ATP6V0A4: variants seen among roughly 807,000 people sequenced by gnomAD.
ATP6V0A4 encodes V-type proton ATPase 116 kDa subunit a 4.
ATP6V0A4 carries 86 observed loss-of-function variants against 107.3 expected under a neutral mutation model. That is an observed-to-expected ratio of 0.80 (90% CI 0.67 to 0.96). The LOEUF (loss-of-function observed/expected upper bound fraction) is 0.96, where lower values mean the gene tolerates loss of function less well. Ranked by LOEUF, ATP6V0A4 falls within the 40% of genes least tolerant of loss-of-function variation. ATP6V0A4 has a pLI of 0.00. For missense variants in ATP6V0A4, 908 were observed against 1,045.6 expected (o/e 0.87, Z 1.81); for synonymous variants, 353 against 381.4 (o/e 0.93, Z 0.87).
chr7:138,742,852 T>C (rs1377285783), intron 14 of ATP6V0A4, among the ~76,000 whole-genome samples: 1 of 143,446 alleles, frequency 7.0e-6, no homozygotes, highest in Non-Finnish European at 1.5e-5. Context: ...TTTAAATTTA[T>C]GAAAGTTTTG....
chr7:138,728,128 A>G (rs1804809921), intron 18 of ATP6V0A4, among the ~76,000 whole-genome samples: 2 of 149,800 alleles, frequency 1.3e-5, no homozygotes, highest in Admixed American at 6.9e-5. Context: ...TTTATAACTA[A>G]TAAAACAACC....
At chr7:138,789,388 C>T (rs1392860612) in intron 1 of ATP6V0A4, among the ~76,000 whole-genome samples, 1 of 151,936 alleles carries the variant, frequency 6.6e-6, no homozygotes, top group Non-Finnish European at 1.5e-5. Context: ...GCTGGGATTA[C>T]AGGTGCCCAC....
intron 5 of ATP6V0A4, among the ~76,000 whole-genome samples, chr7:138,764,127 A>C (rs1045975819): frequency 6.6e-6 from 1 of 151,766 alleles, no homozygotes. Context: ...ATGTAAAGCT[A>C]TACCATATGT....
intron 1 of ATP6V0A4, among the ~76,000 whole-genome samples, chr7:138,794,845 A>C (rs1162393451): frequency 6.6e-6 from 1 of 152,044 alleles, no homozygotes; most frequent in Non-Finnish European, 1.5e-5. Context: ...CCACACACAC[A>C]CAGCCCTTTC....
At chr7:138,784,239 T>TATATATATATAC (rs1454858193) in intron 2 of ATP6V0A4, among the ~76,000 whole-genome samples, 14 of 9,616 alleles carry the variant, frequency 1.5e-3, no homozygotes, top group South Asian at 8.1e-3. Flanking sequence ...TATATACGTA[T>TATATATATATAC]ATATATATAT....
Position 138,734,196 on chromosome 7 carries a change from G to T in ATP6V0A4, c.1631C>A (p.Ser544Ter). Residue 544 changes from serine to a stop codon, truncating the protein, a stop_gained, in exon 16 of 22, where the codon TCG becomes TAG. Coordinates refer to ENST00000310018, the MANE Select transcript of ATP6V0A4 (RefSeq NM_020632.3). LOFTEE classifies it high-confidence loss of function. Reference protein sequence around the residue: ...TFLNSYKMKMSVILGIVQMVF... With the variant: ...TFLNSYKMKM ...CATCTGGACAATTCCCAGGATCACC[G>T]ACATCTTCATTTTATACGAGTTCAG... 6.2e-7 allele frequency: 1 copy of T among 1,613,712 alleles called. No individual in the cohort carries two copies. Among genetic ancestry groups the T allele is most frequent in the South Asian group, 1.1e-5 (1 of 91,048 alleles).
chr7:138,797,854 C>T (rs79675355), intron 1 of ATP6V0A4, 180 bp downstream of exon 1: 50,730 of 740,498 alleles, frequency 0.069, 1,862 homozygotes, highest in Middle Eastern at 0.095. Context: ...GAGAAGGGCA[C>T]AGCTTGCCCC....
chr7:138,737,128 G>A lies in ATP6V0A4; in HGVS notation c.1572+2412C>T, dbSNP rs996307228. 8.4e-3 allele frequency among the ~76,000 whole-genome samples: 494 copies of A among 59,082 alleles called. 38 individuals are homozygous for A. Among genetic ancestry groups the A allele is most frequent in the African/African-American group, 0.032 (466 of 14,762 alleles). The allele number at this position is 59,082 out of a possible 152,430, so 38.8% of individuals were successfully genotyped here. ...TAAGCCCTTATTAATATATATATAT[G>A]ATACAAACTAACATAGGCACAGACA... On this transcript the variant is annotated intron_variant, in intron 15 of 21. Transcript: ENST00000310018.
At chr7:138,708,324 G>A (rs752907531) in intron 21 of ATP6V0A4, among the ~76,000 whole-genome samples, 18 of 152,136 alleles carry the variant, frequency 1.2e-4, no homozygotes, top group Non-Finnish European at 2.4e-4. Flanking sequence ...GGGATTACAG[G>A]CATGAGCCAC....
chr7:138,747,429 TTGTC>T lies in ATP6V0A4; in HGVS notation c.1312_1315del (p.Asp438MetfsTer13), dbSNP rs1806006713. 6.2e-7 allele frequency: 1 copy of T among 1,614,054 alleles called. No homozygotes were observed. Among genetic ancestry groups the T allele is most frequent in the African/African-American group, 1.3e-5 (1 of 74,942 alleles). ...AGACGGTCAATGGACACTCACCTCA[TTGTC>T]TGTCTTCTGGGAGAGCAAGCGTCTC... On this transcript the variant is annotated frameshift_variant, in exon 13 of 22. Transcript: ENST00000310018. LOFTEE classifies it high-confidence loss of function.
chr7:138,730,931 C>CTTTT lies in ATP6V0A4; in HGVS notation c.1908+1942_1908+1945dup, dbSNP rs66521953. Among the ~76,000 whole-genome samples the CTTTT allele has an allele frequency of 2.5e-3, 314 of 123,642 alleles. 4 individuals carry two copies. Among genetic ancestry groups the CTTTT allele is most frequent in the South Asian group, 5.9e-3 (22 of 3,740 alleles). 81.1% of individuals were successfully genotyped at this position (123,642 alleles called of 152,430 possible). ...CAAGGCATTTTTTCTTCTTCTTCTT[C>CTTTT]TTTTTTTATTTTTTTTTTTGAGACA... On this transcript the variant is annotated intron_variant, in intron 17 of 21. Coordinates refer to ENST00000310018, the MANE Select transcript of ATP6V0A4 (RefSeq NM_020632.3).
chr7:138,787,558 G>A (rs553476976), intron 1 of ATP6V0A4, among the ~76,000 whole-genome samples: 2 of 152,208 alleles, frequency 1.3e-5, no homozygotes, highest in South Asian at 2.1e-4. Context: ...AGGCTGAGGT[G>A]GGAGGATCAC....
Position 138,715,894 on chromosome 7 carries a change from A to G in ATP6V0A4, c.2140-13T>C, listed in dbSNP as rs372572739. 4.3e-6 allele frequency: 7 copies of G among 1,611,458 alleles called. No individual in the cohort carries two copies. Among genetic ancestry groups the G allele is most frequent in the Non-Finnish European group, 5.9e-6 (7 of 1,178,248 alleles). ...CTCCAAAGTTGAACTGAAAGACGGA[A>G]TTGTTTATTTTACTTCATTGAGAAT... On this transcript the variant is annotated splice_polypyrimidine_tract_variant and intron_variant, in intron 19 of 21. Transcript: ENST00000310018.
intron 1 of ATP6V0A4, among the ~76,000 whole-genome samples, chr7:138,792,270 C>T (rs915080125): frequency 6.6e-6 from 1 of 152,190 alleles, no homozygotes; most frequent in African/African-American, 2.4e-5. Context: ...AGCGCCACTG[C>T]ACTCCAGCCT....
At position 138,754,894 on chromosome 7, in the gene ATP6V0A4, C is replaced by T. The variant is rs142963184; in HGVS notation, c.816+795G>A. Among the ~76,000 whole-genome samples the T allele has an allele frequency of 5.7e-3, 861 of 152,232 alleles. 5 individuals are homozygous for T. Among genetic ancestry groups the T allele is most frequent in the African/African-American group, 0.02 (817 of 41,542 alleles). On this transcript the variant is annotated intron_variant, in intron 10 of 21. Transcript: ENST00000310018. ...CCACCCACCTCAGCTTCCCAAAGTGCTGGGATTATAGGCATGAGCCACCGC... is the reference window on the plus strand; with the variant it reads ...CCACCCACCTCAGCTTCCCAAAGTGTTGGGATTATAGGCATGAGCCACCGC...
intron 19 of ATP6V0A4, among the ~76,000 whole-genome samples, chr7:138,718,237 G>C (rs1416395437): frequency 2.1e-5 from 1 of 46,978 alleles, no homozygotes; most frequent in African/African-American, 1.2e-4. Context: ...TGTGCGCGCA[G>C]TTATGGATGT....
intron 17 of ATP6V0A4, among the ~76,000 whole-genome samples, chr7:138,731,941 T>TAAAA (rs1159024161): frequency 5.3e-5 from 8 of 150,282 alleles, no homozygotes; most frequent in South Asian, 2.1e-4. Flanking sequence ...AATAAATAAA[T>TAAAA]AAAATATTAA....
intron 19 of ATP6V0A4, among the ~76,000 whole-genome samples, chr7:138,720,104 G>A (rs964572580): frequency 2.0e-5 from 3 of 152,106 alleles, no homozygotes; most frequent in Non-Finnish European, 4.4e-5. Context: ...AGGACCCTAA[G>A]GGTCCTGCGA....
At chr7:138,770,395 T>C (rs987063180) in intron 3 of ATP6V0A4, among the ~76,000 whole-genome samples, 4 of 152,152 alleles carry the variant, frequency 2.6e-5, no homozygotes, top group African/African-American at 4.8e-5. Flanking sequence ...ACCTTGAAGA[T>C]TGCACAGCTC....
Sources: gnomAD v4.1 joint callset for allele counts (sites outside exome capture counted in the v4.1 genomes callset) on GRCh38, gnomAD v4.1.1 for gene constraint, MANE v1.5 for transcripts, NCBI Gene and HGNC (gene_info 2026-07-23, HGNC 2026-07-21) for gene names.